SLC20A2: variants seen among roughly 807,000 people sequenced by gnomAD.
SLC20A2 encodes the protein solute carrier family 20 member 2.
A neutral mutation model predicts 61.0 loss-of-function variants in SLC20A2; 30 were observed. The ratio of observed to expected loss-of-function variants is 0.49; its 90% CI spans 0.37 to 0.67. The LOEUF (loss-of-function observed/expected upper bound fraction) is 0.67, where lower values mean the gene tolerates loss of function less well. Among genes scored for constraint, SLC20A2 ranks in the 30% least tolerant of loss-of-function variants. SLC20A2 has a pLI of 0.00. For synonymous variants in SLC20A2, 351 were observed against 353.3 expected (o/e 0.99, Z 0.07); for missense variants, 626 against 866.4 (o/e 0.72, Z 3.48).
upstream of SLC20A2, among the ~76,000 whole-genome samples, chr8:42,504,122 G>T (rs1810489105): frequency 6.6e-6 from 1 of 151,864 alleles, no homozygotes; most frequent in Non-Finnish European, 1.5e-5. Context: ...AAATTTTTTT[G>T]TAGAGAGGAG....
At chr8:42,470,693 G>T (rs1807564262) in intron 2 of SLC20A2, among the ~76,000 whole-genome samples, 1 of 152,118 alleles carries the variant, frequency 6.6e-6, no homozygotes, top group Non-Finnish European at 1.5e-5. Flanking sequence ...AATGTGACAG[G>T]CCAGGTGTGG....
intron 5 of SLC20A2, among the ~76,000 whole-genome samples, chr8:42,457,888 T>G (rs1806342706): frequency 6.6e-6 from 1 of 152,154 alleles, no homozygotes; most frequent in Non-Finnish European, 1.5e-5. Flanking sequence ...TTCCCAGTAC[T>G]GAAACATATA....
rs1050224095 is a variant in SLC20A2 at position 42,497,369 on chromosome 8, A to T, written c.-265+3662T>A. On this transcript the variant is annotated intron_variant, in intron 1 of 10. Coordinates refer to ENST00000520262, the MANE Select transcript of SLC20A2 (RefSeq NM_001257180.2). ...AACGTGCACCAGAATCACTTGGGAGATTTTTTAAACACAGGCTGCTGGCCC... is the reference window on the plus strand; with the variant it reads ...AACGTGCACCAGAATCACTTGGGAGTTTTTTTAAACACAGGCTGCTGGCCC... Among the ~76,000 whole-genome samples the T allele has an allele frequency of 2.0e-5, 3 of 152,144 alleles. 1 individual carries two copies. The Middle Eastern group carries it at 0.01, about 517-fold the overall frequency.
At chr8:42,471,832 T>C (rs929381273) in intron 2 of SLC20A2, among the ~76,000 whole-genome samples, 3 of 152,232 alleles carry the variant, frequency 2.0e-5, no homozygotes, top group Admixed American at 1.3e-4. Context: ...TCTTTTTCTG[T>C]ACTTTCTGAA....
chr8:42,528,440 C>T (rs779381753), intron 1 of SLC20A2, among the ~76,000 whole-genome samples: 4 of 148,978 alleles, frequency 2.7e-5, no homozygotes, highest in East Asian at 2.0e-4. Flanking sequence ...CCAGCCTGGG[C>T]GACAAAGCGA....
intron 1 of SLC20A2, among the ~76,000 whole-genome samples, chr8:42,526,504 T>C (rs1395302272): frequency 6.6e-6 from 1 of 151,868 alleles, no homozygotes; most frequent in African/African-American, 2.4e-5. Context: ...AAACCCCGTC[T>C]CTACTAAAAA....
chr8:42,536,681 C>A (rs1340679500), intron 1 of SLC20A2: 3 of 152,188 alleles, frequency 2.0e-5, no homozygotes, highest in African/African-American at 7.2e-5. Flanking sequence ...CACAATTTTA[C>A]ATTTTTTTCC....
intron 1 of SLC20A2, among the ~76,000 whole-genome samples, chr8:42,516,568 T>C (rs1486878014): frequency 6.6e-6 from 1 of 152,202 alleles, no homozygotes; most frequent in Non-Finnish European, 1.5e-5. Context: ...ATCCTTTGCC[T>C]TATAATCTCT....
intron 1 of SLC20A2, among the ~76,000 whole-genome samples, chr8:42,529,169 A>G (rs1812175968): frequency 6.6e-6 from 1 of 152,052 alleles, no homozygotes; most frequent in Non-Finnish European, 1.5e-5. Context: ...GAGTCTTGCT[A>G]TGTTAACTAG....
Position 42,463,091 on chromosome 8 carries a change from C to A in SLC20A2, c.431-1G>T. On this transcript the variant is annotated splice_acceptor_variant, in intron 3 of 10. Coordinates refer to ENST00000520262, the MANE Select transcript of SLC20A2 (RefSeq NM_001257180.2). LOFTEE classifies it high-confidence loss of function. ...AGTGGAGATATAAACCAAGAAGCAA[C>A]TGAATAATTAAAAAAAAAATCTAAT... is the stretch of plus-strand genomic sequence containing the variant. 1.9e-6 allele frequency: 3 copies of A among 1,559,524 alleles called. No individual in the cohort carries two copies. The highest frequency in any genetic ancestry group is 1.2e-5 in the South Asian group (1 of 84,258).
chr8:42,533,557 A>C (rs562196980), intron 1 of SLC20A2, among the ~76,000 whole-genome samples: 1 of 151,900 alleles, frequency 6.6e-6, no homozygotes, highest in Non-Finnish European at 1.5e-5. Context: ...TGGAGGTTAC[A>C]GAGTAGGTTT....
chr8:42,474,158 G>A lies in SLC20A2; in HGVS notation c.-264-1504C>T, dbSNP rs111631909. ...TGCACTCCAGCCTGGGCGACACAGC[G>A]AGACTCCATCTCAAAAATAAAAAAT... On this transcript the variant is annotated intron_variant, in intron 1 of 10. Transcript: ENST00000520262. Among the ~76,000 whole-genome samples the A allele has an allele frequency of 6.0e-3, 905 of 152,090 alleles. 8 individuals carry two copies. The highest frequency in any genetic ancestry group is 0.021 in the African/African-American group (856 of 41,472).
At chr8:42,439,398 A>G in intron 7 of SLC20A2, 52 bp downstream of exon 7, 1 of 1,580,158 alleles carries the variant, frequency 6.3e-7, no homozygotes, top group Non-Finnish European at 8.7e-7. Flanking sequence ...GGTCCTCCCC[A>G]GGGAACTTCT....
At chr8:42,519,818 A>G (rs1186584791) in intron 1 of SLC20A2, among the ~76,000 whole-genome samples, 1 of 152,092 alleles carries the variant, frequency 6.6e-6, no homozygotes, top group African/African-American at 2.4e-5. Context: ...TGTCAAAAGA[A>G]TATTTGTAGC....
chr8:42,531,066 T>C (rs1315964290), intron 1 of SLC20A2, among the ~76,000 whole-genome samples: 3 of 152,166 alleles, frequency 2.0e-5, no homozygotes, highest in Non-Finnish European at 4.4e-5. Context: ...GCTACACACA[T>C]ATATTTTAGC....
At chr8:42,533,654 C>CTTTTTTTCTTTTTTTTTTTTTTTATTT (rs1253260874) in intron 1 of SLC20A2, among the ~76,000 whole-genome samples, 1 of 55,308 alleles carries the variant, frequency 1.8e-5, no homozygotes. Context: ...ATCAACTGTT[C>CTTTTTTTCTTTTTTTTTTTTTTTATTT]TTTTTTTTTT....
In SLC20A2 at chr8:42,501,179, G is replaced by C. The variant is rs928049090; in HGVS notation, c.-413C>G. On this transcript the variant is annotated 5_prime_UTR_variant, in exon 1 of 11. Transcript: ENST00000520262. ...CTAACTTCTACTTTTACAACTCATAGAACTAACCCCGGCTAAAATTAACTG... is the reference window on the plus strand; with the variant it reads ...CTAACTTCTACTTTTACAACTCATACAACTAACCCCGGCTAAAATTAACTG... The C allele has an allele frequency of 2.0e-5, 3 of 152,110 alleles. No homozygotes were observed. The highest frequency in any genetic ancestry group is 4.4e-5 in the Non-Finnish European group (3 of 68,030). 9.4% of individuals were successfully genotyped at this position (152,110 alleles called of 1,614,324 possible).
intron 5 of SLC20A2, among the ~76,000 whole-genome samples, chr8:42,447,518 A>C (rs1021166697): frequency 6.6e-6 from 1 of 150,682 alleles, no homozygotes; most frequent in Non-Finnish European, 1.5e-5. Flanking sequence ...TCTACTAAAA[A>C]TACAAAAAAA....
At position 42,444,506 on chromosome 8, in the gene SLC20A2, C is replaced by T. The variant is rs1447294220; in HGVS notation, c.730+140G>A. ...GTATGAGCCAGAAAGCACTCAGGAA[C>T]GGAGAGACAGAGGATGGGGTATGTT... On this transcript the variant is annotated intron_variant, in intron 6 of 10. Coordinates refer to ENST00000520262, the MANE Select transcript of SLC20A2 (RefSeq NM_001257180.2). 3.7e-5 allele frequency: 25 copies of T among 671,502 alleles called. 1 individual carries two copies. The highest frequency in any genetic ancestry group is 1.9e-4 in the East Asian group (7 of 37,036). The allele number at this position is 671,502 out of a possible 1,614,324, so 41.6% of individuals were successfully genotyped here.
Sources: gnomAD v4.1 joint callset for allele counts (sites outside exome capture counted in the v4.1 genomes callset) on GRCh38, gnomAD v4.1.1 for gene constraint, MANE v1.5 for transcripts, NCBI Gene and HGNC (gene_info 2026-07-23, HGNC 2026-07-21) for gene names.